The following SHISA9 variants were observed in gnomAD, a reference collection of about 807,000 sequenced individuals.
SHISA9 encodes shisa family member 9, also known as protein shisa-9.
Under a neutral mutation model 38.0 loss-of-function variants are expected in SHISA9, and 13 were observed. That is an observed-to-expected ratio of 0.34 (90% CI 0.22 to 0.54). The LOEUF (loss-of-function observed/expected upper bound fraction) is 0.54, where lower values mean the gene tolerates loss of function less well. SHISA9 is among the 20% of genes least tolerant of loss of function. The probability of loss-of-function intolerance (pLI) is 0.91; values close to 1 mark genes in which losing one functional copy is unlikely to be tolerated. For missense variants in SHISA9, 538 were observed against 575.8 expected (o/e 0.93, Z 0.67); for synonymous variants, 275 against 242.0 (o/e 1.14, Z -1.27).
At chr16:13,360,340 C>G in the SHISA9 span, among the ~76,000 whole-genome samples, 9 of 152,160 alleles carry the variant, frequency 5.9e-5, no homozygotes, top group African/African-American at 9.7e-5. Flanking sequence ...TATGGTTTGG[C>G]TATGTCACCA....
chr16:13,019,956 T>G (rs1285153221), intron 2 of SHISA9, among the ~76,000 whole-genome samples: 1,679 of 59,972 alleles, frequency 0.028, 139 homozygotes, highest in Non-Finnish European at 0.051. Flanking sequence ...TCTTTCTTTC[T>G]TTCCCTCCTT....
intron 2 of SHISA9, among the ~76,000 whole-genome samples, chr16:12,933,106 A>G (rs1413060316): frequency 2.0e-5 from 3 of 152,222 alleles, no homozygotes; most frequent in African/African-American, 7.2e-5. Flanking sequence ...GATGTATAGT[A>G]GGTGATTAGC....
chr16:13,129,004 C>G (rs1184324543), intron 2 of SHISA9, among the ~76,000 whole-genome samples: 1 of 152,196 alleles, frequency 6.6e-6, no homozygotes, highest in Non-Finnish European at 1.5e-5. Flanking sequence ...TTTATCTTGT[C>G]TTTCCAATGA....
At chr16:12,983,572 T>A (rs184509488) in intron 2 of SHISA9, among the ~76,000 whole-genome samples, 1 of 152,300 alleles carries the variant, frequency 6.6e-6, no homozygotes, top group African/African-American at 2.4e-5. Context: ...CACTGCAAGC[T>A]CTGCCTCTCA....
chr16:13,150,064 T>G (rs2050485280), intron 2 of SHISA9, among the ~76,000 whole-genome samples: 1 of 146,558 alleles, frequency 6.8e-6, no homozygotes. Context: ...AACTAGCCTG[T>G]TTTTCTTAGT....
chr16:12,905,443 A>C (rs1291361244), intron 1 of SHISA9, among the ~76,000 whole-genome samples: 1 of 152,084 alleles, frequency 6.6e-6, no homozygotes, highest in African/African-American at 2.4e-5. Context: ...TTCATTTAAC[A>C]ACCCCCACTC....
the SHISA9 span, among the ~76,000 whole-genome samples, chr16:13,300,178 C>A: frequency 6.6e-6 from 1 of 152,174 alleles, no homozygotes; most frequent in Non-Finnish European, 1.5e-5. Flanking sequence ...CTCTCGCTCA[C>A]TTTCCCTTTC....
chr16:13,543,906 C>A, the SHISA9 span, among the ~76,000 whole-genome samples: 31 of 152,268 alleles, frequency 2.0e-4, no homozygotes, highest in Admixed American at 3.9e-4. Flanking sequence ...ACCTCTTTTT[C>A]TGGGTAACTC....
chr16:13,354,346 GT>G, the SHISA9 span, among the ~76,000 whole-genome samples: 5 of 110,894 alleles, frequency 4.5e-5, no homozygotes, highest in African/African-American at 1.7e-4. Flanking sequence ...CGTGATCAGG[GT>G]GAGGAACAGG....
the SHISA9 span, among the ~76,000 whole-genome samples, chr16:13,416,308 T>G: frequency 6.6e-6 from 1 of 152,322 alleles, no homozygotes; most frequent in South Asian, 2.1e-4. Flanking sequence ...TCACAAAGTA[T>G]ACACAATTGT....
At chr16:13,217,079 G>A (rs2051176294) in intron 4 of SHISA9, among the ~76,000 whole-genome samples, 1 of 151,634 alleles carries the variant, frequency 6.6e-6, no homozygotes, top group South Asian at 2.1e-4. Flanking sequence ...AGACCATCCT[G>A]GCTAACACGG....
At chr16:13,264,975 C>G in the SHISA9 span, among the ~76,000 whole-genome samples, 1 of 146,844 alleles carries the variant, frequency 6.8e-6, no homozygotes, top group African/African-American at 2.5e-5. Context: ...CTGTTTTTCC[C>G]CTCCTCTTTT....
the SHISA9 span, among the ~76,000 whole-genome samples, chr16:13,264,170 CTTTT>C: frequency 1.6e-5 from 2 of 124,340 alleles, no homozygotes; most frequent in Non-Finnish European, 3.4e-5. Context: ...TGTTTTAAAT[CTTTT>C]TTTTTTTTTT....
intron 4 of SHISA9, among the ~76,000 whole-genome samples, chr16:13,226,941 G>T (rs2051285279): frequency 6.6e-6 from 1 of 152,168 alleles, no homozygotes; most frequent in Admixed American, 6.5e-5. Context: ...TCAAGGCATG[G>T]GGAAATAGAT....
intron 3 of SHISA9, 126 bp downstream of exon 3, chr16:13,203,675 C>A: frequency 2.0e-6 from 2 of 987,452 alleles, no homozygotes; most frequent in South Asian, 2.2e-5. Context: ...TTTTCTCTTT[C>A]TGCTTTTCTC....
In SHISA9 at chr16:13,075,077, C is replaced by G. The variant is rs900161714; in HGVS notation, c.692-128317C>G. On this transcript the variant is annotated intron_variant, in intron 2 of 4. Coordinates refer to ENST00000558583, the MANE Select transcript of SHISA9 (RefSeq NM_001145204.3). ...ACCCAGTTAGGACCCTATATCTGCC[C>G]CCTACCATAAGTGCTCCCAGCACAC... Among the ~76,000 whole-genome samples the G allele has an allele frequency of 3.9e-5, 6 of 152,260 alleles. 1 individual carries two copies. The highest frequency in any genetic ancestry group is 1.2e-4 in the African/African-American group (5 of 41,542).
At chr16:13,293,567 A>G in the SHISA9 span, among the ~76,000 whole-genome samples, 1 of 152,212 alleles carries the variant, frequency 6.6e-6, no homozygotes, top group African/African-American at 2.4e-5. Context: ...TTAAATATAT[A>G]TAATGTACTA....
At chr16:13,562,248 C>T in the SHISA9 span, among the ~76,000 whole-genome samples, 1 of 152,200 alleles carries the variant, frequency 6.6e-6, no homozygotes, top group African/African-American at 2.4e-5. Flanking sequence ...GGTTCTATGA[C>T]TGGCCAGCCT....
At chr16:12,927,469 G>A (rs1192851723) in intron 2 of SHISA9, among the ~76,000 whole-genome samples, 1 of 152,212 alleles carries the variant, frequency 6.6e-6, no homozygotes, top group Non-Finnish European at 1.5e-5. Flanking sequence ...TGAGATCACA[G>A]CTCACTGCAG....
Sources: allele counts gnomAD v4.1 joint callset (sites outside exome capture counted in the v4.1 genomes callset), GRCh38; gene constraint gnomAD v4.1.1; transcripts MANE v1.5; gene names NCBI Gene and HGNC (gene_info 2026-07-23, HGNC 2026-07-21).